The following CNTN5 variants were observed in gnomAD, a reference collection of about 807,000 sequenced individuals.
The protein encoded by CNTN5 is contactin-5.
CNTN5 carries 77 observed loss-of-function variants against 129.1 expected under a neutral mutation model. The observed-to-expected ratio is 0.60, with a 90% CI of 0.50 to 0.72. The LOEUF is 0.72. Among genes scored for constraint, CNTN5 ranks in the 30% least tolerant of loss-of-function variants. CNTN5 has a pLI of 0.00. For synonymous variants in CNTN5, 509 were observed against 465.6 expected, an observed-to-expected ratio of 1.09 and a Z score of -1.20; for missense variants, 1,478 against 1,328.8, an observed-to-expected ratio of 1.11 and a Z score of -1.75.
At chr11:100,354,537 G>T (rs1438166427) in intron 24 of CNTN5, among the ~76,000 whole-genome samples, 2 of 151,492 alleles carry the variant, frequency 1.3e-5, no homozygotes, top group Non-Finnish European at 3.0e-5. Flanking sequence ...AAATAATCAA[G>T]AACACATAAA....
intron 9 of CNTN5, among the ~76,000 whole-genome samples, chr11:100,059,235 T>C (rs923734987): frequency 6.6e-6 from 1 of 152,094 alleles, no homozygotes; most frequent in African/African-American, 2.4e-5. Context: ...TAAACAAATA[T>C]AGTCCAGTTG....
At chr11:99,871,052 A>G (rs1424407242) in intron 6 of CNTN5, among the ~76,000 whole-genome samples, 1 of 152,082 alleles carries the variant, frequency 6.6e-6, no homozygotes, top group Non-Finnish European at 1.5e-5. Flanking sequence ...GTAAGTAGCA[A>G]TTTACTAATA....
intron 1 of CNTN5, among the ~76,000 whole-genome samples, chr11:99,051,429 C>T (rs115613528): frequency 6.8e-4 from 104 of 151,944 alleles, no homozygotes; most frequent in Middle Eastern, 3.4e-3. Flanking sequence ...GAAAGTACAG[C>T]ATTTATTTGG....
intron 8 of CNTN5, among the ~76,000 whole-genome samples, chr11:99,970,031 C>G (rs1047500895): frequency 6.6e-5 from 10 of 152,172 alleles, no homozygotes; most frequent in Admixed American, 5.9e-4. Flanking sequence ...TCCTAGTCAT[C>G]AAACATAAAC....
At chr11:99,453,883 T>C (rs1944399617) in intron 2 of CNTN5, among the ~76,000 whole-genome samples, 1 of 152,186 alleles carries the variant, frequency 6.6e-6, no homozygotes, top group South Asian at 2.1e-4. Flanking sequence ...GGATGCATCT[T>C]CAAGTAGTAT....
At chr11:100,219,282 T>A (rs952392032) in intron 15 of CNTN5, among the ~76,000 whole-genome samples, 2 of 152,178 alleles carry the variant, frequency 1.3e-5, no homozygotes, top group Middle Eastern at 3.2e-3. Context: ...CACAAATGAA[T>A]ACCTTTTGTA....
At chr11:99,116,855 A>G (rs1197833541) in intron 1 of CNTN5, among the ~76,000 whole-genome samples, 1 of 152,170 alleles carries the variant, frequency 6.6e-6, no homozygotes, top group Non-Finnish European at 1.5e-5. Flanking sequence ...AATTGCTCAT[A>G]GGGCATCCAA....
At chr11:99,104,113 G>A (rs1049782694) in intron 1 of CNTN5, among the ~76,000 whole-genome samples, 1 of 152,144 alleles carries the variant, frequency 6.6e-6, no homozygotes, top group East Asian at 1.9e-4. Flanking sequence ...CATAGCAAAT[G>A]TTAAGAGAAG....
intron 13 of CNTN5, among the ~76,000 whole-genome samples, chr11:100,094,170 G>A (rs773217201): frequency 6.6e-6 from 1 of 152,138 alleles, no homozygotes; most frequent in Non-Finnish European, 1.5e-5. Context: ...GAACTGAGCA[G>A]ATGCCCTGGA....
chr11:99,556,202 C>A lies in CNTN5; in HGVS notation c.-13C>A, dbSNP rs183141062. 7.9e-4 allele frequency: 1,178 copies of A among 1,490,890 alleles called. No individual in the cohort carries two copies. The highest frequency in any genetic ancestry group is 9.6e-4 in the Non-Finnish European group (1,065 of 1,105,008). 92.4% of individuals were successfully genotyped at this position (1,490,890 alleles called of 1,614,324 possible). A position where few individuals can be genotyped will look rare whatever the true frequency, so the allele number is the denominator to read the frequency against. On this transcript the variant is annotated 5_prime_UTR_variant, in exon 3 of 25. Coordinates refer to ENST00000524871, the MANE Select transcript of CNTN5 (RefSeq NM_014361.4). ...TAAACACATTGAGACACAGAAGATT[C>A]TAGTGACTGAGGATGGCTTCCTCTT...
At chr11:99,816,337 T>C (rs545224695) in intron 3 of CNTN5, among the ~76,000 whole-genome samples, 1 of 152,270 alleles carries the variant, frequency 6.6e-6, no homozygotes, top group East Asian at 1.9e-4. Context: ...AACCATCTAT[T>C]TGGTTACCAT....
At chr11:100,278,312 A>G (rs1950560528) in intron 18 of CNTN5, among the ~76,000 whole-genome samples, 1 of 152,046 alleles carries the variant, frequency 6.6e-6, no homozygotes, top group Admixed American at 6.6e-5. Flanking sequence ...GTGATCTGAT[A>G]TAAACTTAAG....
At position 99,892,188 on chromosome 11, in the gene CNTN5, C is replaced by T. The variant is rs868032614; in HGVS notation, c.578-23866C>T. On this transcript the variant is annotated intron_variant, in intron 6 of 24. Transcript: ENST00000524871. ...TGATGGGGTTGTTTGCTTTTTTTCT[C>T]GTAAATTTGTTAAGTTCTTTGTAAA... Among the ~76,000 whole-genome samples the T allele has an allele frequency of 1.6e-4, 25 of 151,930 alleles. 2 individuals are homozygous for T. In the Middle Eastern group the frequency reaches 0.01, roughly 62 times the overall value.
At chr11:99,356,024 C>T (rs1938637588) in intron 2 of CNTN5, among the ~76,000 whole-genome samples, 1 of 151,898 alleles carries the variant, frequency 6.6e-6, no homozygotes, top group South Asian at 2.1e-4. Flanking sequence ...GACGGGGTTT[C>T]ACCATGTTAG....
chr11:99,765,323 A>G (rs181147826), intron 3 of CNTN5, among the ~76,000 whole-genome samples: 288 of 152,004 alleles, frequency 1.9e-3, no homozygotes, highest in Admixed American at 5.1e-3. Context: ...ATATATACAT[A>G]TATACACCAT....
At chr11:99,299,552 A>G (rs1455928898) in intron 1 of CNTN5, among the ~76,000 whole-genome samples, 1 of 152,194 alleles carries the variant, frequency 6.6e-6, no homozygotes, top group African/African-American at 2.4e-5. Flanking sequence ...AGAGTCTCAA[A>G]GACATGTGGA....
At position 99,275,198 on chromosome 11, in the gene CNTN5, A is replaced by T. The variant is rs187447656; in HGVS notation, c.-209-50148A>T. ...TGACAAGCCAAGTTCATTGATATAT[A>T]AAAAAAAACTCAATCAACAAACACA... On this transcript the variant is annotated intron_variant, in intron 1 of 24. Transcript: ENST00000524871. 6.6e-3 allele frequency among the ~76,000 whole-genome samples: 955 copies of T among 145,332 alleles called. 14 individuals are homozygous for T. Among genetic ancestry groups the T allele is most frequent in the African/African-American group, 0.025 (907 of 36,562 alleles).
intron 3 of CNTN5, among the ~76,000 whole-genome samples, chr11:99,640,430 A>G (rs1591404861): frequency 6.6e-6 from 1 of 152,184 alleles, no homozygotes; most frequent in African/African-American, 2.4e-5. Flanking sequence ...TGATAAACCC[A>G]TCAGATCTCA....
At chr11:100,227,972 TTA>T (rs34836635) in intron 16 of CNTN5, among the ~76,000 whole-genome samples, 8,521 of 152,256 alleles carry the variant, frequency 0.056, 333 homozygotes, top group Non-Finnish European at 0.081. Flanking sequence ...GAAAGGAATA[TTA>T]GTTTTTTGTT....
Sources: gnomAD v4.1 joint callset for allele counts (sites outside exome capture counted in the v4.1 genomes callset) on GRCh38, gnomAD v4.1.1 for gene constraint, MANE v1.5 for transcripts, NCBI Gene and HGNC (gene_info 2026-07-23, HGNC 2026-07-21) for gene names.